MACROD2: variants seen among roughly 807,000 people sequenced by gnomAD.
MACROD2 encodes mono-ADP ribosylhydrolase 2.
Under a neutral mutation model 70.4 loss-of-function variants are expected in MACROD2, and 36 were observed. That is an observed-to-expected ratio of 0.51 (90% confidence interval 0.39 to 0.68). The LOEUF is 0.68. Ranked by LOEUF, MACROD2 falls within the 30% of genes least tolerant of loss-of-function variation. The probability of loss-of-function intolerance (pLI) is 0.00; values close to 1 mark genes in which losing one functional copy is unlikely to be tolerated. For synonymous variants in MACROD2, 172 were observed against 178.8 expected (o/e 0.96, Z 0.30); for missense variants, 496 against 538.4 (o/e 0.92, Z 0.78).
intron 5 of MACROD2, among the ~76,000 whole-genome samples, chr20:15,127,027 C>T (rs1330784593): frequency 6.6e-6 from 1 of 151,962 alleles, no homozygotes; most frequent in East Asian, 1.9e-4. Context: ...CAACAAATTC[C>T]CTTATTATGT....
chr20:14,771,885 C>T (rs909896605), intron 5 of MACROD2, among the ~76,000 whole-genome samples: 2 of 151,684 alleles, frequency 1.3e-5, no homozygotes, highest in African/African-American at 2.4e-5. Context: ...ATAATTAGAA[C>T]GTGCAAACTC....
chr20:15,058,870 T>G (rs568378905), intron 5 of MACROD2, among the ~76,000 whole-genome samples: 1 of 152,336 alleles, frequency 6.6e-6, no homozygotes, highest in South Asian at 2.1e-4. Context: ...AACTAGAGCG[T>G]CAACTTATAA....
At chr20:14,002,467 A>C in intron 2 of MACROD2, 63 bp downstream of exon 2, 4 of 952,700 alleles carry the variant, frequency 4.2e-6, no homozygotes, top group Non-Finnish European at 4.9e-6. Flanking sequence ...TTGTTGACAG[A>C]AATGAATAAC....
intron 8 of MACROD2, among the ~76,000 whole-genome samples, chr20:15,792,602 T>A (rs1280905770): frequency 6.6e-6 from 1 of 152,016 alleles, no homozygotes; most frequent in Non-Finnish European, 1.5e-5. Flanking sequence ...GAATAAACAA[T>A]AATGAGATGT....
intron 6 of MACROD2, among the ~76,000 whole-genome samples, chr20:15,235,219 G>T (rs1256872732): frequency 6.6e-6 from 1 of 151,984 alleles, no homozygotes; most frequent in East Asian, 1.9e-4. Context: ...TTTTACTTAG[G>T]TTAAAAATTA....
intron 2 of MACROD2, among the ~76,000 whole-genome samples, chr20:14,043,950 C>T (rs551384113): frequency 6.6e-6 from 1 of 152,320 alleles, no homozygotes; most frequent in East Asian, 1.9e-4. Context: ...AGCCAGGATT[C>T]TTCACGATAA....
intron 15 of MACROD2, among the ~76,000 whole-genome samples, chr20:16,002,555 C>T (rs184536186): frequency 1.2e-4 from 19 of 152,260 alleles, no homozygotes; most frequent in Admixed American, 1.2e-3. Flanking sequence ...GAGATTTGAA[C>T]ATGCTATGCT....
chr20:14,599,523 A>G (rs2123400121), intron 4 of MACROD2, among the ~76,000 whole-genome samples: 1 of 152,300 alleles, frequency 6.6e-6, no homozygotes, highest in Non-Finnish European at 1.5e-5. Flanking sequence ...TGAAGTATGT[A>G]AGAGGGAGAT....
chr20:14,178,065 T>G (rs1292150803), intron 3 of MACROD2, among the ~76,000 whole-genome samples: 7 of 152,082 alleles, frequency 4.6e-5, no homozygotes, highest in East Asian at 1.9e-4. Context: ...AAAAGACAAC[T>G]GACAAAGTGC....
intron 8 of MACROD2, among the ~76,000 whole-genome samples, chr20:15,533,647 G>T (rs2047835789): frequency 6.6e-6 from 1 of 151,862 alleles, no homozygotes; most frequent in Non-Finnish European, 1.5e-5. Context: ...ACTTAGGGAA[G>T]AAAAGGAAGC....
chr20:15,441,348 A>C (rs1227771892), intron 7 of MACROD2, among the ~76,000 whole-genome samples: 2 of 152,170 alleles, frequency 1.3e-5, no homozygotes, highest in Non-Finnish European at 2.9e-5. Context: ...GACCAACTAC[A>C]AAATATGCTA....
intron 5 of MACROD2, among the ~76,000 whole-genome samples, chr20:14,694,148 G>T (rs1028100078): frequency 2.0e-5 from 3 of 152,098 alleles, no homozygotes; most frequent in African/African-American, 7.2e-5. Context: ...CCCCTTACCA[G>T]ATGTATACAG....
chr20:14,052,914 T>A (rs928048462), intron 2 of MACROD2, among the ~76,000 whole-genome samples: 1 of 152,116 alleles, frequency 6.6e-6, no homozygotes, highest in Admixed American at 6.6e-5. Context: ...CTGTAACAAC[T>A]CTGTTAAGTG....
chr20:14,452,372 ATAGT>A lies in MACROD2; in HGVS notation c.272-41104_272-41101del, dbSNP rs1212242073. Among the ~76,000 whole-genome samples the A allele has an allele frequency of 1.1e-4, 17 of 152,106 alleles. 1 individual carries two copies. The highest frequency in any genetic ancestry group is 6.5e-5 in the Admixed American group (1 of 15,268). ...ATATTCTTTTATGATAGTGTTTCTC[ATAGT>A]TAATCTGAAGTTTTTAATAGAATCA... On this transcript the variant is annotated intron_variant, in intron 3 of 17. Transcript: ENST00000684519.
At chr20:15,641,472 G>T (rs1297229679) in intron 8 of MACROD2, among the ~76,000 whole-genome samples, 1 of 152,176 alleles carries the variant, frequency 6.6e-6, no homozygotes, top group Non-Finnish European at 1.5e-5. Flanking sequence ...AGAATCCGTG[G>T]TCTTCTCTAG....
intron 5 of MACROD2, among the ~76,000 whole-genome samples, chr20:14,766,754 G>T (rs535370615): frequency 6.6e-6 from 1 of 152,254 alleles, no homozygotes; most frequent in South Asian, 2.1e-4. Context: ...TGTTCTTAAA[G>T]TTAAGTGTTG....
intron 3 of MACROD2, among the ~76,000 whole-genome samples, chr20:14,178,726 CTTTTTTTTTT>C (rs79773305): frequency 9.7e-6 from 1 of 102,986 alleles, no homozygotes; most frequent in Non-Finnish European, 2.0e-5. Flanking sequence ...GCCAAGTCAG[CTTTTTTTTTT>C]TTTTTTTTTT....
intron 5 of MACROD2, among the ~76,000 whole-genome samples, chr20:14,918,005 CTCTGTTGCCCAGG>C (rs1054767846): frequency 6.6e-6 from 1 of 152,116 alleles, no homozygotes; most frequent in African/African-American, 2.4e-5. Flanking sequence ...CAGGCTCTCG[CTCTGTTGCCCAGG>C]CTGGAGTGCA....
chr20:14,246,234 G>A, intron 3 of MACROD2, among the ~76,000 whole-genome samples: 1 of 152,128 alleles, frequency 6.6e-6, no homozygotes, highest in East Asian at 1.9e-4. Context: ...ACACTTCATG[G>A]TGCTTCTCAT....
Sources: allele counts gnomAD v4.1 joint callset (sites outside exome capture counted in the v4.1 genomes callset), GRCh38; gene constraint gnomAD v4.1.1; transcripts MANE v1.5; gene names NCBI Gene and HGNC (gene_info 2026-07-23, HGNC 2026-07-21).